GPATCH2: variants seen among roughly 807,000 people sequenced by gnomAD.
GPATCH2 encodes the protein G-patch domain containing 2.
A neutral mutation model predicts 58.0 loss-of-function variants in GPATCH2; 51 were observed. The ratio of observed to expected loss-of-function variants is 0.88; its 90% confidence interval spans 0.70 to 1.11. The LOEUF (loss-of-function observed/expected upper bound fraction) is 1.11, where lower values mean the gene tolerates loss of function less well. Among genes scored for constraint, GPATCH2 ranks in the 50% most tolerant of loss-of-function variants. The pLI, the probability that GPATCH2 is intolerant of heterozygous loss-of-function variation, is 0.00. For synonymous variants in GPATCH2, 222 were observed against 218.5 expected (o/e 1.02, Z -0.14); for missense variants, 625 against 652.2 (o/e 0.96, Z 0.45).
At chr1:217,484,881 C>G (rs753549466) in intron 8 of GPATCH2, among the ~76,000 whole-genome samples, 32 of 151,832 alleles carry the variant, frequency 2.1e-4, no homozygotes, top group Admixed American at 1.1e-3. Context: ...TATAAATACA[C>G]CAAAGTTGCA....
At chr1:217,467,200 G>A (rs1328511438) in intron 8 of GPATCH2, among the ~76,000 whole-genome samples, 1 of 152,118 alleles carries the variant, frequency 6.6e-6, no homozygotes, top group Non-Finnish European at 1.5e-5. Flanking sequence ...AACCCATTTT[G>A]GGGAAGAAAC....
intron 9 of GPATCH2, among the ~76,000 whole-genome samples, chr1:217,438,833 C>T (rs940071412): frequency 3.3e-5 from 5 of 152,112 alleles, no homozygotes; most frequent in African/African-American, 1.2e-4. Context: ...CCTAGTAAGA[C>T]AGGCCAACAC....
chr1:217,577,356 T>A (rs1336451318), intron 5 of GPATCH2, among the ~76,000 whole-genome samples: 1 of 152,216 alleles, frequency 6.6e-6, no homozygotes, highest in African/African-American at 2.4e-5. Context: ...TCTTTGACTC[T>A]ATGGAGACCT....
At chr1:217,433,160 A>AG (rs371981346) in intron 9 of GPATCH2, among the ~76,000 whole-genome samples, 4 of 152,006 alleles carry the variant, frequency 2.6e-5, no homozygotes, top group African/African-American at 9.7e-5. Flanking sequence ...TACAAAAAAA[A>AG]GTTGGAACTC....
intron 2 of GPATCH2, among the ~76,000 whole-genome samples, chr1:217,616,267 T>A (rs1668881886): frequency 6.6e-6 from 1 of 152,182 alleles, no homozygotes; most frequent in South Asian, 2.1e-4. Flanking sequence ...CACGTGTACA[T>A]TATAGAACAG....
At position 217,591,698 on chromosome 1, in the gene GPATCH2, T is replaced by C. The variant is rs141863299; in HGVS notation, c.1098+18623A>G. Among the ~76,000 whole-genome samples, 996 of 152,148 alleles carry C rather than the reference T, an allele frequency of 6.5e-3. 10 individuals are homozygous for C. The highest frequency in any genetic ancestry group is 0.022 in the African/African-American group (912 of 41,552). ...CAGTAATAGAGAAAACCCTAAACCT[T>C]AGCAATACATGAACTCTGTATTAAC... On this transcript the variant is annotated intron_variant, in intron 5 of 9. Transcript: ENST00000366935.
chr1:217,541,577 A>AT (rs557121604), intron 5 of GPATCH2, among the ~76,000 whole-genome samples: 19 of 151,560 alleles, frequency 1.3e-4, no homozygotes, highest in East Asian at 5.8e-4. Flanking sequence ...AGCTCATTTC[A>AT]TTTTTTTTTC....
chr1:217,613,456 G>T (rs76708001), intron 3 of GPATCH2, among the ~76,000 whole-genome samples: 2,947 of 152,098 alleles, frequency 0.019, 50 homozygotes, highest in Non-Finnish European at 0.031. Flanking sequence ...TTTGTGATAG[G>T]TATCTGTATG....
At chr1:217,621,959 G>T (rs1003502369) in intron 1 of GPATCH2, among the ~76,000 whole-genome samples, 1 of 152,174 alleles carries the variant, frequency 6.6e-6, no homozygotes, top group South Asian at 2.1e-4. Flanking sequence ...AATACACAAA[G>T]GCCGAAAGAT....
At chr1:217,431,400 T>C (rs1196579093) in intron 9 of GPATCH2, 35 bp from the exon 10 acceptor site, 2 of 1,120,254 alleles carry the variant, frequency 1.8e-6, no homozygotes, top group Non-Finnish European at 1.4e-6. Context: ...CATTAATCAG[T>C]ATGAACACAG....
intron 2 of GPATCH2, among the ~76,000 whole-genome samples, chr1:217,615,950 A>C (rs575386329): frequency 1.3e-5 from 2 of 152,256 alleles, no homozygotes; most frequent in Admixed American, 6.5e-5. Flanking sequence ...AGCCAGGTTC[A>C]TCTTTTCAAA....
intron 8 of GPATCH2, among the ~76,000 whole-genome samples, chr1:217,485,482 G>T (rs1404313489): frequency 7.6e-5 from 11 of 144,836 alleles, no homozygotes; most frequent in Admixed American, 6.9e-4. Flanking sequence ...TTTTGCAAAT[G>T]ACAATATACT....
At chr1:217,455,022 G>A (rs574083855) in intron 8 of GPATCH2, among the ~76,000 whole-genome samples, 5 of 152,090 alleles carry the variant, frequency 3.3e-5, no homozygotes, top group African/African-American at 9.7e-5. Flanking sequence ...ATTTGGTATC[G>A]TGGATCACAG....
At chr1:217,499,070 C>T (rs1051679826) in intron 6 of GPATCH2, among the ~76,000 whole-genome samples, 2 of 152,216 alleles carry the variant, frequency 1.3e-5, no homozygotes, top group East Asian at 1.9e-4. Context: ...ACCTTTTCCA[C>T]GGGAGTTGTT....
intron 1 of GPATCH2, among the ~76,000 whole-genome samples, chr1:217,627,540 T>C (rs1669528005): frequency 6.6e-6 from 1 of 152,056 alleles, no homozygotes; most frequent in Non-Finnish European, 1.5e-5. Context: ...TTAAAAAGAT[T>C]AAATAATCCT....
intron 3 of GPATCH2, among the ~76,000 whole-genome samples, chr1:217,613,394 A>G: frequency 6.6e-6 from 1 of 152,124 alleles, no homozygotes; most frequent in East Asian, 1.9e-4. Context: ...AGTGTTTTTC[A>G]CTTGGAACTT....
At chr1:217,595,616 C>T (rs1397439942) in intron 5 of GPATCH2, among the ~76,000 whole-genome samples, 2 of 152,036 alleles carry the variant, frequency 1.3e-5, no homozygotes, top group Non-Finnish European at 2.9e-5. Flanking sequence ...TCTCCTGCCT[C>T]AGCCTCCCGA....
At chr1:217,442,342 G>T (rs111609884) in intron 9 of GPATCH2, among the ~76,000 whole-genome samples, 8 of 152,088 alleles carry the variant, frequency 5.3e-5, no homozygotes, top group African/African-American at 1.7e-4. Context: ...GGCCTCTTGT[G>T]GGGTGGAGGG....
chr1:217,568,500 T>C (rs1328473780), intron 5 of GPATCH2, among the ~76,000 whole-genome samples: 1 of 151,614 alleles, frequency 6.6e-6, no homozygotes, highest in African/African-American at 2.4e-5. Flanking sequence ...AAAAGTGAAA[T>C]TGAGAGTACT....
Sources: allele counts gnomAD v4.1 joint callset (sites outside exome capture counted in the v4.1 genomes callset), GRCh38; gene constraint gnomAD v4.1.1; transcripts MANE v1.5; gene names NCBI Gene and HGNC (gene_info 2026-07-23, HGNC 2026-07-21).